Variants in BMP7 observed in about 807,000 individuals in gnomAD.
BMP7 encodes the protein bone morphogenetic protein 7.
In BMP7, 12 loss-of-function variants were observed where a neutral mutation model predicts 41.2. The observed-to-expected ratio is 0.29, with a 90% CI of 0.19 to 0.47. BMP7 has a LOEUF of 0.47. Among genes scored for constraint, BMP7 ranks in the 20% least tolerant of loss-of-function variants. The probability of loss-of-function intolerance (pLI) is 0.99; values close to 1 mark genes in which losing one functional copy is unlikely to be tolerated. For synonymous variants in BMP7, 248 were observed against 250.0 expected (o/e 0.99, Z 0.07); for missense variants, 467 against 606.0 (o/e 0.77, Z 2.41).
chr20:57,203,379 G>A (rs1479728446), intron 2 of BMP7, among the ~76,000 whole-genome samples: 3 of 152,146 alleles, frequency 2.0e-5, no homozygotes, highest in African/African-American at 7.2e-5. Flanking sequence ...ATGGGTAGAT[G>A]GGTAGGTGAG....
rs955845631 is a variant in BMP7, at chr20:57,213,258, T to G, written c.612-10635A>C. On this transcript the variant is annotated intron_variant, in intron 2 of 6. Coordinates refer to ENST00000395863, the MANE Select transcript of BMP7 (RefSeq NM_001719.3). The surrounding 1 kb of genome is among the most constrained non-coding windows in gnomAD (Gnocchi z 4.4). ...CACCCGGAGGCCAGCGTTGTCACAGTCAGAAGGCGAGTCAGTGGCCCTTAT... is the reference window on the plus strand; with the variant it reads ...CACCCGGAGGCCAGCGTTGTCACAGGCAGAAGGCGAGTCAGTGGCCCTTAT... Among the ~76,000 whole-genome samples the G allele has an allele frequency of 6.6e-6, 1 of 152,180 alleles. No homozygotes were observed. The highest frequency in any genetic ancestry group is 1.5e-5 in the Non-Finnish European group (1 of 68,030).
chr20:57,190,766 C>T (rs1206565783), intron 3 of BMP7, among the ~76,000 whole-genome samples: 1 of 152,160 alleles, frequency 6.6e-6, no homozygotes, highest in Non-Finnish European at 1.5e-5. Flanking sequence ...CCAACAAGCT[C>T]AACAACTTAG....
rs3764676 is a variant in BMP7 at position 57,214,923 on chromosome 20, T to A, written c.612-12300A>T. 1 of 152,294 alleles carries A rather than the reference T, an allele frequency of 6.6e-6. No homozygotes were observed. The highest frequency in any genetic ancestry group is 1.5e-5 in the Non-Finnish European group (1 of 68,066). 9.4% of individuals were successfully genotyped at this position (152,294 alleles called of 1,614,324 possible). ...TCAGATGCACGCTGGACAAATGTGC[T>A]GGTATCCTCTGCATCCTTATGGCCA... On this transcript the variant is annotated intron_variant, in intron 2 of 6. Coordinates refer to ENST00000395863, the MANE Select transcript of BMP7 (RefSeq NM_001719.3). The surrounding 1 kb of genome is among the most constrained non-coding windows in gnomAD (Gnocchi z 4.0).
chr20:57,173,543 C>T (rs1983857399), intron 5 of BMP7: 1 of 603,566 alleles, frequency 1.7e-6, no homozygotes, highest in Admixed American at 2.7e-5. Flanking sequence ...ATAGTCCAAG[C>T]TTAGTAGACT....
intron 1 of BMP7, among the ~76,000 whole-genome samples, chr20:57,230,377 A>G (rs1035778918): frequency 3.9e-5 from 6 of 152,056 alleles, no homozygotes; most frequent in African/African-American, 1.4e-4. Flanking sequence ...AGGCGGGGCA[A>G]AGGGCCTGAC....
rs1983879600 is a variant in BMP7 at position 57,174,568 on chromosome 20, A to G, written c.1035+363T>C. ...CCTCCCGTGGGAATGGGAATGGGGT[A>G]AATGAAGTCAGAGGGCAGAGGGGGA... On this transcript the variant is annotated intron_variant, in intron 5 of 6. Coordinates refer to ENST00000395863, the MANE Select transcript of BMP7 (RefSeq NM_001719.3). This position sits in a 1 kb window ranked among gnomAD's most constrained non-coding sequence, Gnocchi z 4.3. Among the ~76,000 whole-genome samples the G allele has an allele frequency of 6.6e-6, 1 of 152,218 alleles. No homozygotes were observed. Among genetic ancestry groups the G allele is most frequent in the East Asian group, 1.9e-4 (1 of 5,194 alleles).
At position 57,174,994 on chromosome 20, in the gene BMP7, G is replaced by A. The variant is rs201801316; in HGVS notation, c.972C>T (p.Ser324=). The A allele has an allele frequency of 3.4e-5, 54 of 1,611,308 alleles. No individual in the cohort carries two copies. In the Middle Eastern group the frequency reaches 4.9e-4, roughly 15 times the overall value. The change falls in exon 5 of 7, where the codon AGC becomes AGT. Residue 324 remains serine (S), a synonymous_variant. Coordinates refer to ENST00000395863, the MANE Select transcript of BMP7 (RefSeq NM_001719.3). This position sits in a 1 kb window ranked among gnomAD's most constrained non-coding sequence, Gnocchi z 4.3. Reference sequence around the variant, plus strand: ...GCTTCTTACAGGCCTGCCTCTGGTCGCTGCTGCTGTTCTCTGCATTGACAA... The same window carrying A: ...GCTTCTTACAGGCCTGCCTCTGGTCACTGCTGCTGTTCTCTGCATTGACAA... ...RMANVAENSS[S]DQRQACKKHE... is the part of the protein sequence containing the mutation.
rs1405764226 is a variant in BMP7 at position 57,228,658 on chromosome 20, C to T, written c.419-237G>A. ...ACAAGAGCATGATTCTGCATCCAAC[C>T]TGCTGGGAAAAGTAGGGCACTAACC... On this transcript the variant is annotated intron_variant, in intron 1 of 6. Coordinates refer to ENST00000395863, the MANE Select transcript of BMP7 (RefSeq NM_001719.3). The surrounding 1 kb of genome is among the most constrained non-coding windows in gnomAD (Gnocchi z 4.5). Among the ~76,000 whole-genome samples the T allele has an allele frequency of 1.3e-5, 2 of 152,222 alleles. No individual in the cohort carries two copies. The highest frequency in any genetic ancestry group is 2.9e-5 in the Non-Finnish European group (2 of 68,032).
chr20:57,192,605 T>A (rs1260403785), intron 3 of BMP7, among the ~76,000 whole-genome samples: 2 of 151,664 alleles, frequency 1.3e-5, no homozygotes, highest in Non-Finnish European at 2.9e-5. Context: ...GCGAGGTGAG[T>A]GAACAAATTG....
chr20:57,255,898 C>T (rs556005516), intron 1 of BMP7, among the ~76,000 whole-genome samples: 1 of 150,066 alleles, frequency 6.7e-6, no homozygotes, highest in African/African-American at 2.4e-5. Flanking sequence ...GACAAGATTT[C>T]ATGGCGAAGT....
chr20:57,180,897 T>G (rs1480687142), intron 4 of BMP7, among the ~76,000 whole-genome samples: 1 of 151,908 alleles, frequency 6.6e-6, no homozygotes, highest in Non-Finnish European at 1.5e-5. Context: ...AAAAGTAAAA[T>G]GAACATAAAT....
At chr20:57,230,826 G>A (rs965401776) in intron 1 of BMP7, among the ~76,000 whole-genome samples, 10 of 151,570 alleles carry the variant, frequency 6.6e-5, no homozygotes, top group African/African-American at 9.7e-5. Flanking sequence ...ACAGGCTCCC[G>A]TCACCATGCT....
chr20:57,237,735 C>T (rs2066053205), intron 1 of BMP7, among the ~76,000 whole-genome samples: 1 of 152,158 alleles, frequency 6.6e-6, no homozygotes, highest in Non-Finnish European at 1.5e-5. Context: ...CAGAACATCG[C>T]CTAGAAGTTG....
chr20:57,227,798 G>GT (rs545901676), intron 2 of BMP7, among the ~76,000 whole-genome samples: 17 of 151,844 alleles, frequency 1.1e-4, no homozygotes, highest in East Asian at 5.8e-4. Context: ...AGAGTTCTCT[G>GT]TTTTTTTTGG....
At chr20:57,250,367 TAC>T (rs1230406806) in intron 1 of BMP7, among the ~76,000 whole-genome samples, 4 of 147,366 alleles carry the variant, frequency 2.7e-5, no homozygotes, top group African/African-American at 9.9e-5. Flanking sequence ...TAGATATATA[TAC>T]ACACACAAAA....
In BMP7 at chr20:57,174,878, G is replaced by C. The variant is rs1441747949; in HGVS notation, c.1035+53C>G. The C allele has an allele frequency of 1.3e-6, 2 of 1,561,628 alleles. No individual in the cohort carries two copies. Among genetic ancestry groups the C allele is most frequent in the African/African-American group, 2.7e-5 (2 of 73,476 alleles). On this transcript the variant is annotated intron_variant, in intron 5 of 6. Coordinates refer to ENST00000395863, the MANE Select transcript of BMP7 (RefSeq NM_001719.3). This position sits in a 1 kb window ranked among gnomAD's most constrained non-coding sequence, Gnocchi z 4.3. The stretch of plus-strand genomic sequence containing the variant: ...ACTGAGCACAGACCCGCTGCCTCGT[G>C]GGAGCCCACGCCAGAGGGCCCACAC...
At chr20:57,178,956 G>A (rs1984002998) in intron 4 of BMP7, among the ~76,000 whole-genome samples, 1 of 152,202 alleles carries the variant, frequency 6.6e-6, no homozygotes, top group African/African-American at 2.4e-5. Context: ...GGAGTGGCCT[G>A]AGTGCTACTT....
At position 57,266,420 on chromosome 20, in the gene BMP7, G is replaced by A; in HGVS notation, c.-298C>T. ...GAGGCGGGCGCGGGTGGGAGGAGCA[G>A]CCAGCAAGCCTAGGAGTCCAGAGAG... On this transcript the variant is annotated 5_prime_UTR_variant, in exon 1 of 7. Transcript: ENST00000395863. 1 of 207,424 alleles carries A rather than the reference G, an allele frequency of 4.8e-6. No individual in the cohort carries two copies. Among genetic ancestry groups the A allele is most frequent in the East Asian group, 1.2e-4 (1 of 8,164 alleles). The allele number at this position is 207,424 out of a possible 1,614,324, so 12.8% of individuals were successfully genotyped here.
chr20:57,256,097 T>C (rs985086716), intron 1 of BMP7, among the ~76,000 whole-genome samples: 6 of 152,212 alleles, frequency 3.9e-5, no homozygotes, highest in African/African-American at 1.2e-4. Context: ...GTTGAACCAA[T>C]TGAGTACTTC....
Sources: gnomAD v4.1 joint callset for allele counts (sites outside exome capture counted in the v4.1 genomes callset) on GRCh38, gnomAD v4.1.1 for gene constraint, Gnocchi (gnomAD v3.1) non-coding constraint, MANE v1.5 for transcripts, NCBI Gene and HGNC (gene_info 2026-07-23, HGNC 2026-07-21) for gene names.